Variants in EGFR observed in about 807,000 individuals in gnomAD.
EGFR encodes the protein avian erythroblastic leukemia viral (v-erb-b) oncogene homolog.
In EGFR, 58 loss-of-function variants were observed where a neutral mutation model predicts 143.0. That is an observed-to-expected ratio of 0.41 (90% CI 0.33 to 0.50). The LOEUF is 0.50. Ranked by LOEUF, EGFR falls within the 20% of genes least tolerant of loss-of-function variation. The probability of loss-of-function intolerance (pLI) is 0.39; values close to 1 mark genes in which losing one functional copy is unlikely to be tolerated. For missense variants in EGFR, 1,307 were observed against 1,579.0 expected (o/e 0.83, Z 2.92); for synonymous variants, 613 against 594.4 (o/e 1.03, Z -0.45).
intron 20 of EGFR, among the ~76,000 whole-genome samples, chr7:55,189,176 C>A (rs1023135526): frequency 2.0e-5 from 3 of 151,838 alleles, no homozygotes; most frequent in Non-Finnish European, 4.4e-5. Context: ...ATATATAAAA[C>A]CCCAAGCAGC....
intron 1 of EGFR, among the ~76,000 whole-genome samples, chr7:55,073,805 C>T (rs1047931878): frequency 1.3e-5 from 2 of 152,170 alleles, no homozygotes; most frequent in Admixed American, 6.5e-5. Context: ...AGAAAACCAG[C>T]GTGCTATTTG....
chr7:55,115,587 G>A (rs1792789343), intron 1 of EGFR, among the ~76,000 whole-genome samples: 1 of 151,906 alleles, frequency 6.6e-6, no homozygotes, highest in Non-Finnish European at 1.5e-5. Context: ...GAATCTCAAG[G>A]GGTTCCTGGA....
chr7:55,156,009 C>A lies in EGFR; in HGVS notation c.1006+63C>A. ...CGGCTGCTGAGGCTGGGCTCTCATG[C>A]CACCTCCAAAGGAACACATCTTCCT... is the stretch of plus-strand genomic sequence containing the variant. On this transcript the variant is annotated intron_variant, in intron 8 of 27. Transcript: ENST00000275493. The A allele has an allele frequency of 4.4e-6, 5 of 1,145,608 alleles. No homozygotes were observed. The South Asian group carries it at 5.1e-5, about 12-fold the overall frequency. The allele number at this position is 1,145,608 out of a possible 1,614,324, so 71.0% of individuals were successfully genotyped here.
chr7:55,170,300 T>C (rs2128950404), intron 15 of EGFR: 1 of 1,614,146 alleles, frequency 6.2e-7, no homozygotes, highest in Admixed American at 1.7e-5. Context: ...TGTCCATCTT[T>C]CTCCAGGCCA....
intron 1 of EGFR, among the ~76,000 whole-genome samples, chr7:55,021,502 G>A (rs578102105): frequency 2.4e-4 from 37 of 152,222 alleles, no homozygotes; most frequent in African/African-American, 8.4e-4. Flanking sequence ...TGTTTGTCCC[G>A]CATTCACTCA....
At chr7:55,116,536 TACAC>T (rs34058394) in intron 1 of EGFR, among the ~76,000 whole-genome samples, 1 of 150,108 alleles carries the variant, frequency 6.7e-6, no homozygotes, top group Non-Finnish European at 1.5e-5. Flanking sequence ...AAAAAACACA[TACAC>T]ACACACACAC....
Position 55,207,985 on chromosome 7 carries a change from G to A in EGFR, c.*2368G>A, listed in dbSNP as rs528919345. 1.3e-5 allele frequency: 2 copies of A among 152,318 alleles called. No individual in the cohort carries two copies. The highest frequency in any genetic ancestry group is 4.1e-4 in the South Asian group (2 of 4,824). The allele number at this position is 152,318 out of a possible 1,614,324, so 9.4% of individuals were successfully genotyped here. On this transcript the variant is annotated 3_prime_UTR_variant, in exon 28 of 28. Coordinates refer to ENST00000275493, the MANE Select transcript of EGFR (RefSeq NM_005228.5). ...CTTATGTGTCAAGAAGCAGATGATCGATGAGGCAGGTCAGTTGTAAGTGAG... is the reference window on the plus strand; with the variant it reads ...CTTATGTGTCAAGAAGCAGATGATCAATGAGGCAGGTCAGTTGTAAGTGAG...
chr7:55,115,312 C>G (rs931045391), intron 1 of EGFR, among the ~76,000 whole-genome samples: 2 of 152,154 alleles, frequency 1.3e-5, no homozygotes, highest in African/African-American at 4.8e-5. Context: ...GATCTCTTAA[C>G]CTCACTATAG....
At chr7:55,186,845 C>T (rs987690049) in intron 20 of EGFR, among the ~76,000 whole-genome samples, 8 of 152,166 alleles carry the variant, frequency 5.3e-5, no homozygotes, top group Non-Finnish European at 8.8e-5. Flanking sequence ...ATAGTGAGGC[C>T]ACCATGCAAG....
At chr7:55,036,283 G>A (rs1186349761) in intron 1 of EGFR, among the ~76,000 whole-genome samples, 1 of 63,422 alleles carries the variant, frequency 1.6e-5, no homozygotes, top group Non-Finnish European at 3.1e-5. Flanking sequence ...GGGGGGGGGG[G>A]GTGGGTGTGT....
intron 1 of EGFR, among the ~76,000 whole-genome samples, chr7:55,067,126 A>G (rs723526): frequency 0.86 from 130,418 of 152,208 alleles, 56,206 homozygotes; most frequent in East Asian, 0.97. Flanking sequence ...GGTAGGGCGC[A>G]GTTTCAGAAA....
rs1788195964 is a variant in EGFR, at chr7:55,209,802, A to G, written c.*4185A>G. 1 of 152,204 alleles carries G rather than the reference A, an allele frequency of 6.6e-6. No individual in the cohort carries two copies. The highest frequency in any genetic ancestry group is 1.5e-5 in the Non-Finnish European group (1 of 68,034). 9.4% of individuals were successfully genotyped at this position (152,204 alleles called of 1,614,324 possible). A position where few individuals can be genotyped will look rare whatever the true frequency, so the allele number is the denominator to read the frequency against. ...TATGTAGCACTGAACTTTGTACAAT[A>G]TATTTTTAGAAACTCATTTTTCTAC... On this transcript the variant is annotated 3_prime_UTR_variant, in exon 28 of 28. Coordinates refer to ENST00000275493, the MANE Select transcript of EGFR (RefSeq NM_005228.5).
Position 55,173,135 on chromosome 7 carries a change from G to A in EGFR, c.2061+11G>A, listed in dbSNP as rs2128952749. Reference sequence around the variant, plus strand: ...CTGCAGGAGAGGGAGGTGAGTGCCAGTCCTGGGTGGGCTCAGGAGCCCTCG... The same window carrying A: ...CTGCAGGAGAGGGAGGTGAGTGCCAATCCTGGGTGGGCTCAGGAGCCCTCG... On this transcript the variant is annotated intron_variant, in intron 17 of 27. Coordinates refer to ENST00000275493, the MANE Select transcript of EGFR (RefSeq NM_005228.5). 6.2e-7 allele frequency: 1 copy of A among 1,608,436 alleles called. No homozygotes were observed. The highest frequency in any genetic ancestry group is 8.5e-7 in the Non-Finnish European group (1 of 1,179,840).
At chr7:55,107,301 C>T (rs1196707109) in intron 1 of EGFR, among the ~76,000 whole-genome samples, 1 of 152,140 alleles carries the variant, frequency 6.6e-6, no homozygotes, top group African/African-American at 2.4e-5. Flanking sequence ...ACATGACAAG[C>T]AAAACGATCA....
intron 4 of EGFR, among the ~76,000 whole-genome samples, chr7:55,147,392 GCCCGTTCC>G (rs1284357160): frequency 6.6e-6 from 1 of 152,114 alleles, no homozygotes; most frequent in African/African-American, 2.4e-5. Context: ...CCTGGGCTGC[GCCCGTTCC>G]TGATCGCTTG....
Position 55,201,940 on chromosome 7 carries a change from C to T in EGFR, c.3162+158C>T, listed in dbSNP as rs117542015. ...GCACGGCTGTCACGCCTCACAGTGC[C>T]GTTCAAAGCGTGACTCCTGGACCAG... On this transcript the variant is annotated intron_variant, in intron 26 of 27. Coordinates refer to ENST00000275493, the MANE Select transcript of EGFR (RefSeq NM_005228.5). 2.0e-3 allele frequency among the ~76,000 whole-genome samples: 299 copies of T among 151,848 alleles called. 3 individuals are homozygous for T. Among genetic ancestry groups the T allele is most frequent in the African/African-American group, 5.9e-3 (242 of 41,358 alleles).
In EGFR at chr7:55,146,625, G is replaced by A. The variant is rs895828689; in HGVS notation, c.444G>A (p.Val148=). Residue 148 remains valine, a synonymous_variant, in exon 4 of 28, where the codon GTG becomes GTA. Transcript: ENST00000275493. ...RNLQEILHGA[V]RFSNNPALCN... ...CCGCAGAAATCCTGCATGGCGCCGT[G>A]CGGTTCAGCAACAACCCTGCCCTGT... 6.2e-7 allele frequency: 1 copy of A among 1,614,166 alleles called. No homozygotes were observed. The highest frequency in any genetic ancestry group is 8.5e-7 in the Non-Finnish European group (1 of 1,180,036).
intron 1 of EGFR, among the ~76,000 whole-genome samples, chr7:55,037,919 G>A (rs1787687743): frequency 6.6e-6 from 1 of 152,094 alleles, no homozygotes; most frequent in Admixed American, 6.5e-5. Flanking sequence ...TGGGAAGAGG[G>A]GTACTGAGGC....
intron 1 of EGFR, among the ~76,000 whole-genome samples, chr7:55,029,513 AT>A (rs1351468624): frequency 6.6e-6 from 1 of 152,156 alleles, no homozygotes; most frequent in African/African-American, 2.4e-5. Flanking sequence ...ATTTTTATAA[AT>A]AACTGGAAAT....
Sources: gnomAD v4.1 joint callset for allele counts (sites outside exome capture counted in the v4.1 genomes callset) on GRCh38, gnomAD v4.1.1 for gene constraint, MANE v1.5 for transcripts, NCBI Gene and HGNC (gene_info 2026-07-23, HGNC 2026-07-21) for gene names.